Variants in CRHR2 observed in about 807,000 individuals in gnomAD.
CRHR2 encodes corticotropin-releasing hormone receptor 2.
Under a neutral mutation model 57.9 loss-of-function variants are expected in CRHR2, and 53 were observed. The ratio of observed to expected loss-of-function variants is 0.92; its 90% CI spans 0.73 to 1.15. The LOEUF is 1.15. CRHR2 is among the 50% of genes most tolerant of loss of function. The probability of loss-of-function intolerance (pLI) is 0.00; values close to 1 mark genes in which losing one functional copy is unlikely to be tolerated. For synonymous variants in CRHR2, 213 were observed against 220.9 expected (o/e 0.96, Z 0.32); for missense variants, 532 against 542.6 (o/e 0.98, Z 0.19).
At chr7:30,667,207 C>T in intron 3 of CRHR2, 21 bp downstream of exon 3, 1 of 1,607,130 alleles carries the variant, frequency 6.2e-7, no homozygotes, top group South Asian at 1.1e-5. Flanking sequence ...CCTGGGGTCA[C>T]AGCAGGTGAG....
At chr7:30,691,981 T>A (rs1333860823) in intron 1 of CRHR2, among the ~76,000 whole-genome samples, 4 of 151,944 alleles carry the variant, frequency 2.6e-5, no homozygotes, top group African/African-American at 9.7e-5. Flanking sequence ...GCTGTCAGAG[T>A]GGGTAGAGTG....
Position 30,665,453 on chromosome 7 carries a change from G to A in CRHR2, c.425+77C>T. 1 of 1,263,440 alleles carries A rather than the reference G, an allele frequency of 7.9e-7. No individual in the cohort carries two copies. Among genetic ancestry groups the A allele is most frequent in the Non-Finnish European group, 1.1e-6 (1 of 892,550 alleles). 78.3% of individuals were successfully genotyped at this position (1,263,440 alleles called of 1,614,324 possible). Reference sequence around the variant, plus strand: ...ATCTGCTGGGCCCCAGAATGGAGGTGAGAATGTCTGGGAGAGGTGAAGGGG... The same window carrying A: ...ATCTGCTGGGCCCCAGAATGGAGGTAAGAATGTCTGGGAGAGGTGAAGGGG... On this transcript the variant is annotated intron_variant, in intron 4 of 11. Coordinates refer to ENST00000471646, the MANE Select transcript of CRHR2 (RefSeq NM_001883.5). This position sits in a 1 kb window ranked among gnomAD's most constrained non-coding sequence, Gnocchi z 4.5.
At chr7:30,695,280 G>C (rs991443424) in intron 1 of CRHR2, among the ~76,000 whole-genome samples, 4 of 152,120 alleles carry the variant, frequency 2.6e-5, no homozygotes, top group Non-Finnish European at 5.9e-5. Flanking sequence ...TAGGGTGTTG[G>C]ATGTTGAGTG....
intron 3 of CRHR2, among the ~76,000 whole-genome samples, chr7:30,666,780 G>C (rs1584101811): frequency 6.6e-6 from 1 of 152,376 alleles, no homozygotes; most frequent in South Asian, 2.1e-4. Flanking sequence ...GAGAGCTGGA[G>C]CAGGGCTCCA....
At chr7:30,693,734 C>T (rs1785002558) in intron 1 of CRHR2, among the ~76,000 whole-genome samples, 1 of 138,850 alleles carries the variant, frequency 7.2e-6, no homozygotes, top group Non-Finnish European at 1.5e-5. Context: ...GAGGCTTTAC[C>T]TGTGGAGGCT....
chr7:30,672,190 AG>A (rs1405456217), intron 2 of CRHR2, among the ~76,000 whole-genome samples: 3 of 152,202 alleles, frequency 2.0e-5, no homozygotes, highest in African/African-American at 7.2e-5. Context: ...GCCCAGCTCC[AG>A]CCCCAGCTCC....
intron 5 of CRHR2, among the ~76,000 whole-genome samples, chr7:30,663,638 C>T (rs1784091502): frequency 6.6e-6 from 1 of 152,192 alleles, no homozygotes; most frequent in Non-Finnish European, 1.5e-5. Context: ...AGGCTACCTT[C>T]CCAAAGGAGG....
At chr7:30,692,672 G>C (rs1435402783) in intron 1 of CRHR2, among the ~76,000 whole-genome samples, 1 of 152,206 alleles carries the variant, frequency 6.6e-6, no homozygotes, top group Non-Finnish European at 1.5e-5. Context: ...GAGACAGGCA[G>C]GAAGGGGAGG....
At position 30,652,046 on chromosome 7, in the gene CRHR2, A is replaced by G. The variant is rs533330997; in HGVS notation, c.*1414T>C. Reference sequence around the variant, plus strand: ...TTAAAACTTAAGTAAAAAATACTACATGTCAACTTAAAAATGTGCAAGACG... The same window carrying G: ...TTAAAACTTAAGTAAAAAATACTACGTGTCAACTTAAAAATGTGCAAGACG... On this transcript the variant is annotated 3_prime_UTR_variant, in exon 12 of 12. Coordinates refer to ENST00000471646, the MANE Select transcript of CRHR2 (RefSeq NM_001883.5). The surrounding 1 kb of genome is among the most constrained non-coding windows in gnomAD (Gnocchi z 4.4). The G allele has an allele frequency of 6.6e-6, 1 of 150,786 alleles. No individual in the cohort carries two copies. Among genetic ancestry groups the G allele is most frequent in the Admixed American group, 6.6e-5 (1 of 15,242 alleles). The allele number at this position is 150,786 out of a possible 1,614,324, so 9.3% of individuals were successfully genotyped here.
chr7:30,695,808 C>T (rs768464723), intron 1 of CRHR2, among the ~76,000 whole-genome samples: 13 of 152,082 alleles, frequency 8.5e-5, no homozygotes, highest in African/African-American at 1.4e-4. Context: ...GGCTGTGGGC[C>T]GGAATCCTGG....
At chr7:30,680,351 G>C (rs1076293) in intron 2 of CRHR2, among the ~76,000 whole-genome samples, 17,826 of 152,172 alleles carry the variant, frequency 0.12, 1,163 homozygotes, top group South Asian at 0.2. Context: ...GCCCTGGGAA[G>C]GGGGGGCCCC....
chr7:30,695,860 C>T (rs1017677138), intron 1 of CRHR2, among the ~76,000 whole-genome samples: 6 of 152,218 alleles, frequency 3.9e-5, no homozygotes, highest in Non-Finnish European at 8.8e-5. Context: ...CACGTGAGCT[C>T]ACCTCACTTC....
intron 7 of CRHR2, 43 bp from the exon 8 acceptor site, chr7:30,660,688 C>T (rs1783966494): frequency 6.5e-7 from 1 of 1,542,688 alleles, no homozygotes; most frequent in Non-Finnish European, 8.8e-7. Flanking sequence ...TGAGCTGGAA[C>T]TGGGGGACCC....
chr7:30,662,886 G>A, intron 5 of CRHR2, 39 bp from the exon 6 acceptor site: 1 of 1,607,648 alleles, frequency 6.2e-7, no homozygotes, highest in Non-Finnish European at 8.5e-7. Flanking sequence ...AGGCAGCTTG[G>A]GGCCCAGGTA....
At chr7:30,693,100 A>C (rs1264178269) in intron 1 of CRHR2, among the ~76,000 whole-genome samples, 2 of 152,244 alleles carry the variant, frequency 1.3e-5, no homozygotes, top group Non-Finnish European at 2.9e-5. Flanking sequence ...CACGGGAGGC[A>C]GACCCAGCCA....
Position 30,681,898 on chromosome 7 carries a change from G to T in CRHR2, c.229+17C>A. ...GAGGCCGGTGTAGAGCAGGCAGCGA[G>T]GGCCGGGGGCACTCACGGGTCGTGT... On this transcript the variant is annotated intron_variant, in intron 2 of 11. Coordinates refer to ENST00000471646, the MANE Select transcript of CRHR2 (RefSeq NM_001883.5). The T allele has an allele frequency of 6.2e-7, 1 of 1,605,318 alleles. No homozygotes were observed. The highest frequency in any genetic ancestry group is 8.5e-7 in the Non-Finnish European group (1 of 1,176,362).
In CRHR2 at chr7:30,655,559, C is replaced by T. The variant is rs554091914; in HGVS notation, c.1053+21G>A. Reference sequence around the variant, plus strand: ...CTCAGGAAAGCTCACTGTGGGGCCCCCATCTGGTCACAGGCCCCACCTGGA... The same window carrying T: ...CTCAGGAAAGCTCACTGTGGGGCCCTCATCTGGTCACAGGCCCCACCTGGA... On this transcript the variant is annotated intron_variant, in intron 10 of 11. Transcript: ENST00000471646. The T allele has an allele frequency of 4.3e-5, 69 of 1,602,650 alleles. No homozygotes were observed. In the Admixed American group the frequency reaches 1.1e-3, roughly 27 times the overall value.
Position 30,656,270 on chromosome 7 carries a change from C to G in CRHR2, c.832-258G>C, listed in dbSNP as rs1379570115. Among the ~76,000 whole-genome samples, 1 of 152,168 alleles carries G rather than the reference C, an allele frequency of 6.6e-6. No homozygotes were observed. Among genetic ancestry groups the G allele is most frequent in the Non-Finnish European group, 1.5e-5 (1 of 68,032 alleles). The stretch of plus-strand genomic sequence containing the variant: ...AGGAAAGGTGGCAGCCTCTGTGGGT[C>G]GTGACCGAGAGCACGGGGCATGCCC... On this transcript the variant is annotated intron_variant, in intron 8 of 11. Coordinates refer to ENST00000471646, the MANE Select transcript of CRHR2 (RefSeq NM_001883.5). The surrounding 1 kb of genome is among the most constrained non-coding windows in gnomAD (Gnocchi z 4.4).
intron 8 of CRHR2, among the ~76,000 whole-genome samples, chr7:30,660,147 G>T (rs764640292): frequency 2.0e-5 from 3 of 152,258 alleles, no homozygotes; most frequent in Non-Finnish European, 4.4e-5. Context: ...CACCGCTTCA[G>T]GCTGGGGGTG....
Sources: allele counts gnomAD v4.1 joint callset (sites outside exome capture counted in the v4.1 genomes callset), GRCh38; gene constraint gnomAD v4.1.1; non-coding constraint Gnocchi (gnomAD v3.1); transcripts MANE v1.5; gene names NCBI Gene and HGNC (gene_info 2026-07-23, HGNC 2026-07-21).